The following CLINT1 variants were observed in gnomAD, a reference collection of about 807,000 sequenced individuals.
The protein encoded by CLINT1 is clathrin interacting protein localized in the trans-Golgi region.
Under a neutral mutation model 70.4 loss-of-function variants are expected in CLINT1, and 15 were observed. The observed-to-expected ratio is 0.21, with a 90% CI of 0.14 to 0.33. The LOEUF (loss-of-function observed/expected upper bound fraction) is 0.33. CLINT1 is among the 10% of genes least tolerant of loss of function. The probability of loss-of-function intolerance (pLI) is 1.00; values close to 1 mark genes in which losing one functional copy is unlikely to be tolerated. For missense variants in CLINT1, 615 were observed against 778.1 expected (o/e 0.79, Z 2.49); for synonymous variants, 227 against 254.7 (o/e 0.89, Z 1.04).
At chr5:157,850,019 G>A (rs1753516967) in intron 1 of CLINT1, among the ~76,000 whole-genome samples, 3 of 152,182 alleles carry the variant, frequency 2.0e-5, no homozygotes, top group Admixed American at 2.0e-4. Context: ...ATAGTGACGA[G>A]TGTGAGTGCA....
At chr5:157,802,129 A>G (rs564576684) in intron 8 of CLINT1, among the ~76,000 whole-genome samples, 1 of 152,238 alleles carries the variant, frequency 6.6e-6, no homozygotes, top group Admixed American at 6.5e-5. Flanking sequence ...TCCTGACCTC[A>G]GGTGATCCGC....
rs565777414 is a variant in CLINT1 at position 157,786,103 on chromosome 5, A to G, written c.*1543T>C. On this transcript the variant is annotated 3_prime_UTR_variant, in exon 12 of 12. Transcript: ENST00000411809. Reference sequence around the variant, plus strand: ...GTAGATGGAACATTAGCAAGAATGGAGCAGGTCAGGATATCTTTGCTGCTT... The same window carrying G: ...GTAGATGGAACATTAGCAAGAATGGGGCAGGTCAGGATATCTTTGCTGCTT... 6.6e-6 allele frequency: 1 copy of G among 152,206 alleles called. No individual in the cohort carries two copies. The highest frequency in any genetic ancestry group is 6.5e-5 in the Admixed American group (1 of 15,276). 9.4% of individuals were successfully genotyped at this position (152,206 alleles called of 1,614,324 possible). A position where few individuals can be genotyped will look rare whatever the true frequency, so the allele number is the denominator to read the frequency against.
At chr5:157,788,931 C>A (rs1165309689) in intron 11 of CLINT1, among the ~76,000 whole-genome samples, 2 of 141,126 alleles carry the variant, frequency 1.4e-5, no homozygotes, top group Non-Finnish European at 3.0e-5. Flanking sequence ...TGCACCACTG[C>A]ACTCTAGCCT....
chr5:157,809,909 C>G (rs1216722084), intron 5 of CLINT1, 104 bp from the exon 6 acceptor site: 2 of 1,146,234 alleles, frequency 1.7e-6, no homozygotes, highest in Non-Finnish European at 2.5e-6. Context: ...AAATCATTTT[C>G]AAAGGAAAAC....
intron 1 of CLINT1, among the ~76,000 whole-genome samples, chr5:157,827,013 C>T (rs1763061648): frequency 6.6e-6 from 1 of 152,108 alleles, no homozygotes; most frequent in Non-Finnish European, 1.5e-5. Context: ...AGAAAATTTC[C>T]AGTATTGGTT....
chr5:157,823,667 GAA>G, intron 1 of CLINT1: 1 of 485,160 alleles, frequency 2.1e-6, no homozygotes, highest in Non-Finnish European at 2.7e-6. Flanking sequence ...AAAGGTTTCA[GAA>G]AAGATACTTT....
chr5:157,789,585 G>C, intron 10 of CLINT1, 72 bp from the exon 11 acceptor site: 1 of 1,602,880 alleles, frequency 6.2e-7, no homozygotes, highest in Non-Finnish European at 8.5e-7. Flanking sequence ...ATAGAAAAAT[G>C]CTCTAAAAAT....
chr5:157,830,755 TCC>T (rs1491397843), intron 1 of CLINT1, among the ~76,000 whole-genome samples: 3,399 of 104,924 alleles, frequency 0.032, 67 homozygotes, highest in Non-Finnish European at 0.042. Context: ...TCCCTCTCTC[TCC>T]CTCTCTCTCT....
At chr5:157,856,631 G>T (rs1257941919) in intron 1 of CLINT1, among the ~76,000 whole-genome samples, 1 of 152,054 alleles carries the variant, frequency 6.6e-6, no homozygotes, top group Non-Finnish European at 1.5e-5. Flanking sequence ...GCTTACATTT[G>T]GGGGGAAGAA....
chr5:157,794,692 G>A (rs996498451), intron 9 of CLINT1, among the ~76,000 whole-genome samples: 27 of 152,130 alleles, frequency 1.8e-4, no homozygotes, highest in African/African-American at 6.0e-4. Flanking sequence ...TTCTTTAGAT[G>A]TACCTGAGTA....
At chr5:157,848,919 C>A (rs1753477578) in intron 1 of CLINT1, among the ~76,000 whole-genome samples, 1 of 152,124 alleles carries the variant, frequency 6.6e-6, no homozygotes, top group Admixed American at 6.6e-5. Flanking sequence ...ACCTCAGCCT[C>A]CCAAAGTGCT....
At chr5:157,816,935 A>G in intron 2 of CLINT1, 105 bp from the exon 3 acceptor site, 3 of 763,062 alleles carry the variant, frequency 3.9e-6, no homozygotes, top group Non-Finnish European at 4.1e-6. Context: ...TTAAAAATTA[A>G]TAAACTTAAT....
Position 157,787,997 on chromosome 5 carries a change from C to G in CLINT1, c.1532-5G>C. On this transcript the variant is annotated splice_polypyrimidine_tract_variant and splice_region_variant and intron_variant, in intron 11 of 11. Coordinates refer to ENST00000411809, the MANE Select transcript of CLINT1 (RefSeq NM_014666.4). Reference sequence around the variant, plus strand: ...CATTCATAGGCTGCTGCATATCTACCAGACGAAAACAGACAGAAGAACTTT... The same window carrying G: ...CATTCATAGGCTGCTGCATATCTACGAGACGAAAACAGACAGAAGAACTTT... 4.4e-6 allele frequency: 7 copies of G among 1,588,210 alleles called. No homozygotes were observed. Among genetic ancestry groups the G allele is most frequent in the Non-Finnish European group, 6.0e-6 (7 of 1,164,674 alleles).
intron 1 of CLINT1, among the ~76,000 whole-genome samples, chr5:157,853,758 C>T (rs187729756): frequency 4.5e-4 from 52 of 115,472 alleles, no homozygotes; most frequent in Non-Finnish European, 7.4e-4. Context: ...GCCTGGGCAA[C>T]GAGAGCGAGA....
intron 5 of CLINT1, 118 bp downstream of exon 5, chr5:157,812,945 T>A: frequency 2.2e-6 from 2 of 900,250 alleles, no homozygotes; most frequent in Non-Finnish European, 3.4e-6. Flanking sequence ...TATTTTAGTA[T>A]TCTATGTATT....
chr5:157,839,588 G>A (rs194221), intron 1 of CLINT1, among the ~76,000 whole-genome samples: 103,282 of 149,942 alleles, frequency 0.69, 35,621 homozygotes, highest in East Asian at 0.79. Flanking sequence ...GTGACAGAGC[G>A]AGACTCAGTC....
At position 157,787,567 on chromosome 5, in the gene CLINT1, T is replaced by C. The variant is rs1205367321; in HGVS notation, c.*79A>G. 3 of 1,122,486 alleles carry C rather than the reference T, an allele frequency of 2.7e-6. No individual in the cohort carries two copies. Among genetic ancestry groups the C allele is most frequent in the Non-Finnish European group, 3.9e-6 (3 of 768,170 alleles). 69.5% of individuals were successfully genotyped at this position (1,122,486 alleles called of 1,614,324 possible). A position where few individuals can be genotyped will look rare whatever the true frequency, so the allele number is the denominator to read the frequency against. On this transcript the variant is annotated 3_prime_UTR_variant, in exon 12 of 12. Coordinates refer to ENST00000411809, the MANE Select transcript of CLINT1 (RefSeq NM_014666.4). ...ATTACTTGATAAAAGAAAGGGTAGT[T>C]GATTAGCATTTTCCATCCCAACATC...
At position 157,803,527 on chromosome 5, in the gene CLINT1, A is replaced by C. The variant is rs1762292156; in HGVS notation, c.1012+123T>G. On this transcript the variant is annotated intron_variant, in intron 8 of 11. Transcript: ENST00000411809. ...TGATTCCAAATAATGCTCAAGACTC[A>C]CTAATTTCATATAAAAAATGAACCC... 5.1e-6 allele frequency: 3 copies of C among 592,108 alleles called. No individual in the cohort carries two copies. The South Asian group carries it at 1.4e-4, about 29-fold the overall frequency. 36.7% of individuals were successfully genotyped at this position (592,108 alleles called of 1,614,324 possible).
At chr5:157,806,173 C>T in intron 6 of CLINT1, 61 bp from the exon 7 acceptor site, 1 of 1,542,840 alleles carries the variant, frequency 6.5e-7, no homozygotes, top group Non-Finnish European at 8.8e-7. Flanking sequence ...ATGGGTCCCT[C>T]AGTGATTTGA....
Sources: allele counts gnomAD v4.1 joint callset (sites outside exome capture counted in the v4.1 genomes callset), GRCh38; gene constraint gnomAD v4.1.1; transcripts MANE v1.5; gene names NCBI Gene and HGNC (gene_info 2026-07-23, HGNC 2026-07-21).